Variants in MDGA2 observed in about 807,000 individuals in gnomAD.
MDGA2 encodes the protein MAM domain-containing glycosylphosphatidylinositol anchor protein 2.
Under a neutral mutation model 117.8 loss-of-function variants are expected in MDGA2, and 40 were observed. That is an observed-to-expected ratio of 0.34 (90% confidence interval 0.26 to 0.44). MDGA2 has a LOEUF of 0.44. Among genes scored for constraint, MDGA2 ranks in the 20% least tolerant of loss-of-function variants. The pLI is 1.00. For synonymous variants in MDGA2, 452 were observed against 439.0 expected (o/e 1.03, Z -0.37); for missense variants, 1,123 against 1,250.6 (o/e 0.90, Z 1.54).
chr14:47,072,866 A>G (rs1890344769), intron 6 of MDGA2, among the ~76,000 whole-genome samples: 1 of 152,216 alleles, frequency 6.6e-6, no homozygotes, highest in African/African-American at 2.4e-5. Flanking sequence ...AAAGTGCCAT[A>G]GCATATCTTT....
chr14:47,020,461 A>G (rs1443115937), intron 8 of MDGA2, among the ~76,000 whole-genome samples: 1 of 152,200 alleles, frequency 6.6e-6, no homozygotes, highest in Non-Finnish European at 1.5e-5. Flanking sequence ...GAGAAAACCA[A>G]TCTGATTGTT....
chr14:47,660,411 G>C (rs1897823562), intron 1 of MDGA2, among the ~76,000 whole-genome samples: 1 of 152,170 alleles, frequency 6.6e-6, no homozygotes, highest in Non-Finnish European at 1.5e-5. Context: ...AAAAAGCATA[G>C]GAAAAATGAC....
At chr14:46,991,277 T>G (rs918775917) in intron 8 of MDGA2, among the ~76,000 whole-genome samples, 6 of 152,130 alleles carry the variant, frequency 3.9e-5, no homozygotes, top group Non-Finnish European at 7.4e-5. Flanking sequence ...ATTTAAATCT[T>G]TTATAGAATG....
intron 7 of MDGA2, among the ~76,000 whole-genome samples, chr14:47,043,740 A>G (rs997858404): frequency 8.5e-5 from 13 of 152,182 alleles, no homozygotes; most frequent in East Asian, 7.7e-4. Flanking sequence ...TCTCTATTCA[A>G]TTGAGGCTGG....
intron 2 of MDGA2, among the ~76,000 whole-genome samples, chr14:47,280,707 A>G (rs1461997600): frequency 1.3e-5 from 2 of 151,990 alleles, no homozygotes; most frequent in Admixed American, 1.3e-4. Flanking sequence ...ACCGACTCAA[A>G]AGTAAAAAAA....
intron 1 of MDGA2, among the ~76,000 whole-genome samples, chr14:47,629,384 G>T (rs941732307): frequency 1.2e-4 from 18 of 152,250 alleles, no homozygotes; most frequent in African/African-American, 4.1e-4. Flanking sequence ...GTCTGCATTT[G>T]CCTGATAAAC....
chr14:47,443,560 C>G (rs1288224832), intron 1 of MDGA2, among the ~76,000 whole-genome samples: 1 of 152,026 alleles, frequency 6.6e-6, no homozygotes. Flanking sequence ...ATTCATTGTT[C>G]TGCATTTCAC....
chr14:47,264,202 A>G (rs1017720773), intron 2 of MDGA2, among the ~76,000 whole-genome samples: 9 of 152,172 alleles, frequency 5.9e-5, no homozygotes, highest in Non-Finnish European at 1.0e-4. Flanking sequence ...TCACTAATAA[A>G]TCACATACTA....
intron 2 of MDGA2, among the ~76,000 whole-genome samples, chr14:47,288,368 A>T (rs1888760942): frequency 6.6e-6 from 1 of 152,170 alleles, no homozygotes; most frequent in Non-Finnish European, 1.5e-5. Flanking sequence ...TTCAAAATGG[A>T]GAGTTGTTCT....
intron 2 of MDGA2, among the ~76,000 whole-genome samples, chr14:47,286,029 T>C (rs1888658193): frequency 6.6e-6 from 1 of 151,970 alleles, no homozygotes; most frequent in African/African-American, 2.4e-5. Context: ...ATATTGTGTG[T>C]CTGTGTGTGT....
rs1895801278 is a variant in MDGA2, at chr14:47,561,160, T to TTTTTTTTG, written c.280+113356_280+113357insCAAAAAAA. Among the ~76,000 whole-genome samples, 11 of 88,794 alleles carry TTTTTTTTG rather than the reference T, an allele frequency of 1.2e-4. 1 individual carries two copies. The highest frequency in any genetic ancestry group is 1.1e-3 in the South Asian group (2 of 1,788). The allele number at this position is 88,794 out of a possible 152,430, so 58.3% of individuals were successfully genotyped here. A position where few individuals can be genotyped will look rare whatever the true frequency, so the allele number is the denominator to read the frequency against. ...ATCTTTGTTTTTTTTTTTGTTTTGT[T>TTTTTTTTG]TTGTTTTTTTGTTTGTTTGTTTTTT... On this transcript the variant is annotated intron_variant, in intron 1 of 16. Transcript: ENST00000399232.
At chr14:47,037,861 A>G (rs903365207) in intron 7 of MDGA2, among the ~76,000 whole-genome samples, 7 of 152,216 alleles carry the variant, frequency 4.6e-5, no homozygotes, top group Non-Finnish European at 8.8e-5. Flanking sequence ...TATACAATCC[A>G]TATCTGTTCC....
At chr14:47,365,458 TG>T (rs1173441017) in intron 1 of MDGA2, among the ~76,000 whole-genome samples, 24 of 152,260 alleles carry the variant, frequency 1.6e-4, no homozygotes, top group African/African-American at 5.5e-4. Flanking sequence ...GCTATGCTGC[TG>T]GCAGCGCAAC....
At chr14:46,913,339 A>T (rs924855703) in intron 10 of MDGA2, among the ~76,000 whole-genome samples, 3 of 152,194 alleles carry the variant, frequency 2.0e-5, no homozygotes, top group Non-Finnish European at 4.4e-5. Flanking sequence ...ATTTAAGATT[A>T]TACAAAGAAT....
At chr14:47,381,537 A>G (rs1891627848) in intron 1 of MDGA2, among the ~76,000 whole-genome samples, 1 of 152,216 alleles carries the variant, frequency 6.6e-6, no homozygotes, top group Non-Finnish European at 1.5e-5. Context: ...ATCAATGTGC[A>G]AAAATCACAG....
intron 2 of MDGA2, among the ~76,000 whole-genome samples, chr14:47,238,322 T>C (rs1434585722): frequency 6.6e-6 from 1 of 152,152 alleles, no homozygotes; most frequent in Admixed American, 6.5e-5. Flanking sequence ...TGGGCTGAGA[T>C]TGTGTAGATC....
intron 1 of MDGA2, among the ~76,000 whole-genome samples, chr14:47,377,430 A>G (rs117616275): frequency 0.072 from 10,946 of 152,178 alleles, 499 homozygotes; most frequent in Non-Finnish European, 0.11. Flanking sequence ...TCATCCGGGA[A>G]GTGTAAGGGG....
At chr14:47,130,802 C>A (rs1882164181) in intron 5 of MDGA2, among the ~76,000 whole-genome samples, 2 of 152,020 alleles carry the variant, frequency 1.3e-5, no homozygotes, top group African/African-American at 2.4e-5. Flanking sequence ...AGAGTCTAGA[C>A]CCAGACACAA....
At chr14:46,871,791 A>G (rs1406864484) in intron 14 of MDGA2, 10 of 220,308 alleles carry the variant, frequency 4.5e-5, no homozygotes, top group Admixed American at 4.0e-4. Context: ...TACAGTGATG[A>G]AGTGCTACAG....
Sources: allele counts gnomAD v4.1 joint callset (sites outside exome capture counted in the v4.1 genomes callset), GRCh38; gene constraint gnomAD v4.1.1; transcripts MANE v1.5; gene names NCBI Gene and HGNC (gene_info 2026-07-23, HGNC 2026-07-21).